The following ASH1L variants were observed in gnomAD, a reference collection of about 807,000 sequenced individuals.
ASH1L encodes histone-lysine N-methyltransferase ASH1L.
ASH1L carries 23 observed loss-of-function variants against 269.0 expected under a neutral mutation model. The ratio of observed to expected loss-of-function variants is 0.09; its 90% CI spans 0.06 to 0.12. The LOEUF is 0.12. Among genes scored for constraint, ASH1L ranks in the 10% least tolerant of loss-of-function variants. The probability of loss-of-function intolerance (pLI) is 1.00; values close to 1 mark genes in which losing one functional copy is unlikely to be tolerated. For synonymous variants in ASH1L, 1,187 were observed against 1,253.5 expected, an observed-to-expected ratio of 0.95 and a Z score of 1.12; for missense variants, 2,912 against 3,567.8, an observed-to-expected ratio of 0.82 and a Z score of 4.68.
chr1:155,440,098 C>A (rs1418177912), intron 4 of ASH1L, among the ~76,000 whole-genome samples: 2 of 151,888 alleles, frequency 1.3e-5, no homozygotes, highest in Non-Finnish European at 2.9e-5. Flanking sequence ...TCACTTGATG[C>A]CAGGAGTTCG....
chr1:155,384,152 T>A (rs1657216393), intron 7 of ASH1L, among the ~76,000 whole-genome samples: 1 of 152,236 alleles, frequency 6.6e-6, no homozygotes, highest in South Asian at 2.1e-4. Context: ...ACTGTATTCT[T>A]CCTTCCTAAT....
At position 155,439,035 on chromosome 1, in the gene ASH1L, A is replaced by G. The variant is rs1662336041; in HGVS notation, c.5120T>C (p.Val1707Ala). 1.9e-6 allele frequency: 3 copies of G among 1,611,744 alleles called. No individual in the cohort carries two copies. The highest frequency in any genetic ancestry group is 1.7e-6 in the Non-Finnish European group (2 of 1,178,896). ...ATCCACAGAGTCATCCCCAGAAGCAACTAATCTTGGACTTCGAGAGGGAAC... is the reference window on the plus strand; with the variant it reads ...ATCCACAGAGTCATCCCCAGAAGCAGCTAATCTTGGACTTCGAGAGGGAAC... ...NGVPSRSPRLVASGDDSVDSL... is the reference protein window; with the variant it reads ...NGVPSRSPRLAASGDDSVDSL... The change falls in exon 5 of 28, where the codon GTT (valine) becomes GCT (alanine). Residue 1707 changes from valine (V) to alanine (A), a missense_variant. Around this residue, in one of 13 missense-constraint regions of ASH1L, gnomAD observed 789 missense variants for 897.6 expected, o/e 0.88. Coordinates refer to ENST00000392403, the MANE Select transcript of ASH1L (RefSeq NM_018489.3).
rs949363994 is a variant in ASH1L at position 155,343,624 on chromosome 1, C to T, written c.8100G>A (p.Glu2700=). The part of the protein sequence containing the change: ...NRDKLDIFRI[E]KLWKNEKEER... ...CGTACTTTTCATTCTTCCAAAGCTTCTCAATGCGAAAGATGTCAAGTTTAT... is the reference window on the plus strand; with the variant it reads ...CGTACTTTTCATTCTTCCAAAGCTTTTCAATGCGAAAGATGTCAAGTTTAT... Residue 2700 remains glutamate, a synonymous_variant, in exon 23 of 28, where the codon GAG becomes GAA. Transcript: ENST00000392403. The surrounding 1 kb of genome is among the most constrained non-coding windows in gnomAD (Gnocchi z 6.1). The T allele has an allele frequency of 6.2e-7, 1 of 1,614,176 alleles. No homozygotes were observed. The highest frequency in any genetic ancestry group is 2.2e-5 in the East Asian group (1 of 44,884).
rs1167115012 is a variant in ASH1L, at chr1:155,343,516, G to A, written c.8121-30C>T. 1.2e-6 allele frequency: 2 copies of A among 1,612,658 alleles called. No individual in the cohort carries two copies. Among genetic ancestry groups the A allele is most frequent in the Non-Finnish European group, 1.7e-6 (2 of 1,179,032 alleles). ...AACAATGGAAAAGTGAGAAGGGAGA[G>A]GTTTAGCTGATTAGCAAGATCCTAG... is the stretch of plus-strand genomic sequence containing the variant. On this transcript the variant is annotated intron_variant, in intron 23 of 27. Transcript: ENST00000392403. The surrounding 1 kb of genome is among the most constrained non-coding windows in gnomAD (Gnocchi z 6.1).
At position 155,480,512 on chromosome 1, in the gene ASH1L, T is replaced by C. The variant is rs749277164; in HGVS notation, c.2358A>G (p.Thr786=). The part of the protein sequence containing the change: ...KRRLPKLSKS[T]APSLALLADS... ...CAGCTAAGAGAGCAAGAGATGGAGC[T>C]GTGGATTTGCTCAACTTTGGCAATC... is the stretch of plus-strand genomic sequence containing the variant. Residue 786 remains threonine (T), a synonymous_variant, in exon 3 of 28, where the codon ACA becomes ACG. Transcript: ENST00000392403. The C allele has an allele frequency of 1.2e-6, 2 of 1,614,132 alleles. No homozygotes were observed. Among genetic ancestry groups the C allele is most frequent in the Admixed American group, 1.7e-5 (1 of 60,018 alleles).
At chr1:155,553,061 G>A (rs1671326101) in intron 1 of ASH1L, among the ~76,000 whole-genome samples, 1 of 152,110 alleles carries the variant, frequency 6.6e-6, no homozygotes, top group Non-Finnish European at 1.5e-5. Context: ...CAAAATTACA[G>A]TCAATAAGTT....
rs777462168 is a variant in ASH1L at position 155,370,959 on chromosome 1, G to A, written c.6357C>T (p.Pro2119=). Residue 2119 remains proline (P), a synonymous_variant, in exon 11 of 28, where the codon CCC becomes CCT. Transcript: ENST00000392403. ...ATTGCTCGCCACATGGGCAAGTGTT[G>A]GGGGAACACTCAGCAAAGATCATTC... The part of the protein sequence containing the change: ...LNRMIFAECS[P]NTCPCGEQCC... 5.6e-6 allele frequency: 9 copies of A among 1,613,856 alleles called. No homozygotes were observed. In the South Asian group the frequency reaches 8.8e-5, roughly 16 times the overall value.
intron 5 of ASH1L, among the ~76,000 whole-genome samples, chr1:155,432,989 T>C (rs563000800): frequency 5.1e-4 from 78 of 152,352 alleles, no homozygotes; most frequent in Non-Finnish European, 9.7e-4. Flanking sequence ...ATTTTAAAGA[T>C]GACCCTTCCT....
chr1:155,436,704 T>C (rs1662127796), intron 5 of ASH1L, among the ~76,000 whole-genome samples: 1 of 150,646 alleles, frequency 6.6e-6, no homozygotes, highest in African/African-American at 2.4e-5. Context: ...ACTATGTTGG[T>C]TAGGCTGGTC....
At chr1:155,429,117 TC>T (rs1286866560) in intron 5 of ASH1L, among the ~76,000 whole-genome samples, 1 of 152,068 alleles carries the variant, frequency 6.6e-6, no homozygotes, top group African/African-American at 2.4e-5. Flanking sequence ...TTGAAAATAA[TC>T]CAAGAGTAAA....
At chr1:155,453,133 T>A (rs1482567057) in intron 4 of ASH1L, among the ~76,000 whole-genome samples, 1 of 152,078 alleles carries the variant, frequency 6.6e-6, no homozygotes, top group Non-Finnish European at 1.5e-5. Context: ...GGCAGGCAGA[T>A]CATCTGTGGT....
intron 4 of ASH1L, among the ~76,000 whole-genome samples, chr1:155,458,230 TA>T (rs1197777910): frequency 6.6e-6 from 1 of 152,210 alleles, no homozygotes; most frequent in Non-Finnish European, 1.5e-5. Context: ...AAAGAGCTTC[TA>T]AAGATAATCA....
chr1:155,349,709 CT>C (rs993462774), intron 17 of ASH1L, 113 bp from the exon 18 acceptor site: 37,443 of 292,634 alleles, frequency 0.13, 1 homozygote, highest in South Asian at 0.18. Context: ...AAATCCAAGT[CT>C]TTTTTTTTTT....
At chr1:155,370,182 G>A (rs1655811909) in intron 12 of ASH1L, 3 of 329,492 alleles carry the variant, frequency 9.1e-6, no homozygotes, top group African/African-American at 2.1e-5. Context: ...GGGACTACAG[G>A]TGTGTACCAC....
At chr1:155,431,203 TCAA>T (rs1385976002) in intron 5 of ASH1L, among the ~76,000 whole-genome samples, 1 of 151,456 alleles carries the variant, frequency 6.6e-6, no homozygotes, top group African/African-American at 2.4e-5. Flanking sequence ...AGATGCCGTC[TCAA>T]CAACAACAAA....
chr1:155,520,866 AAAAT>A (rs1558187854), intron 2 of ASH1L, among the ~76,000 whole-genome samples: 2 of 152,218 alleles, frequency 1.3e-5, no homozygotes, highest in East Asian at 3.8e-4. Context: ...TAATCTCAAA[AAAAT>A]AAATAAATAA....
At chr1:155,405,090 C>T (rs888394277) in intron 6 of ASH1L, among the ~76,000 whole-genome samples, 1 of 151,370 alleles carries the variant, frequency 6.6e-6, no homozygotes, top group African/African-American at 2.4e-5. Flanking sequence ...ATTCCAATTA[C>T]AACAATTACA....
At chr1:155,397,511 A>AAAAG (rs543567482) in intron 6 of ASH1L, among the ~76,000 whole-genome samples, 5 of 148,904 alleles carry the variant, frequency 3.4e-5, no homozygotes, top group Non-Finnish European at 5.9e-5. Context: ...AAAAAAAAAA[A>AAAAG]AAAGAAAGAA....
At chr1:155,527,796 TCA>T (rs1669370869) in intron 1 of ASH1L, among the ~76,000 whole-genome samples, 1 of 152,072 alleles carries the variant, frequency 6.6e-6, no homozygotes, top group African/African-American at 2.4e-5. Flanking sequence ...TCCTCCGACC[TCA>T]GACTCCCGAG....
Sources: allele counts gnomAD v4.1 joint callset (sites outside exome capture counted in the v4.1 genomes callset), GRCh38; gene constraint gnomAD v4.1.1; regional missense constraint gnomAD v4.1.1; non-coding constraint Gnocchi (gnomAD v3.1); transcripts MANE v1.5; gene names NCBI Gene and HGNC (gene_info 2026-07-23, HGNC 2026-07-21).